CFAP299: variants seen among roughly 807,000 people sequenced by gnomAD.
The protein encoded by CFAP299 is cilia and flagella associated protein 299, also known as cilia- and flagella-associated protein 299.
CFAP299 carries 21 observed loss-of-function variants against 27.0 expected under a neutral mutation model. The observed-to-expected ratio is 0.78, with a 90% CI of 0.55 to 1.12. The LOEUF (loss-of-function observed/expected upper bound fraction) is 1.12, where lower values mean the gene tolerates loss of function less well. Among genes scored for constraint, CFAP299 ranks in the 50% most tolerant of loss-of-function variants. The probability of loss-of-function intolerance (pLI) is 0.00; values close to 1 mark genes in which losing one functional copy is unlikely to be tolerated. For missense variants in CFAP299, 310 were observed against 276.6 expected, an observed-to-expected ratio of 1.12 and a Z score of -0.86; for synonymous variants, 104 against 98.1, an observed-to-expected ratio of 1.06 and a Z score of -0.36.
At chr4:80,692,488 C>A (rs1720786514) in intron 3 of CFAP299, among the ~76,000 whole-genome samples, 1 of 152,078 alleles carries the variant, frequency 6.6e-6, no homozygotes, top group Non-Finnish European at 1.5e-5. Context: ...AACTGGCTAG[C>A]CATATGTAGA....
At chr4:80,571,052 G>A (rs949031853) in intron 2 of CFAP299, among the ~76,000 whole-genome samples, 1 of 152,050 alleles carries the variant, frequency 6.6e-6, no homozygotes, top group African/African-American at 2.4e-5. Context: ...GATGTAAAGA[G>A]GTGAGGTGAT....
intron 3 of CFAP299, among the ~76,000 whole-genome samples, chr4:80,687,412 C>T (rs560759483): frequency 6.6e-6 from 1 of 152,014 alleles, no homozygotes; most frequent in Non-Finnish European, 1.5e-5. Flanking sequence ...AAACTGAGAC[C>T]TATGGAAGAT....
chr4:80,704,114 A>G (rs1053267938), intron 3 of CFAP299, among the ~76,000 whole-genome samples: 3 of 151,652 alleles, frequency 2.0e-5, no homozygotes, highest in South Asian at 2.1e-4. Context: ...GATAGAAAAA[A>G]CCTGGAGGAG....
intron 3 of CFAP299, among the ~76,000 whole-genome samples, chr4:80,827,371 G>T (rs1730043712): frequency 1.3e-5 from 2 of 151,768 alleles, no homozygotes; most frequent in East Asian, 1.9e-4. Flanking sequence ...GACCAAGTGG[G>T]ATTTATTCTT....
At chr4:80,562,323 C>T (rs1735071404) in intron 2 of CFAP299, among the ~76,000 whole-genome samples, 1 of 151,930 alleles carries the variant, frequency 6.6e-6, no homozygotes, top group African/African-American at 2.4e-5. Context: ...TGAGGCTGGG[C>T]ACCATGGCTC....
chr4:80,742,646 T>A (rs1057165171), intron 3 of CFAP299, among the ~76,000 whole-genome samples: 4 of 152,186 alleles, frequency 2.6e-5, no homozygotes, highest in Non-Finnish European at 4.4e-5. Flanking sequence ...TTTGCTAGGT[T>A]ATAAGTGGAG....
At chr4:80,654,835 G>A (rs376850402) in intron 3 of CFAP299, among the ~76,000 whole-genome samples, 47 of 145,130 alleles carry the variant, frequency 3.2e-4, no homozygotes, top group African/African-American at 1.1e-3. Context: ...CTATGGCTCA[G>A]GCACTAATAG....
At chr4:80,522,938 C>G (rs922346506) in intron 2 of CFAP299, among the ~76,000 whole-genome samples, 4 of 151,978 alleles carry the variant, frequency 2.6e-5, no homozygotes, top group African/African-American at 7.2e-5. Context: ...TATGATACCT[C>G]TAGATTTGTT....
intron 2 of CFAP299, among the ~76,000 whole-genome samples, chr4:80,452,403 C>A (rs1316849274): frequency 6.6e-6 from 1 of 152,048 alleles, no homozygotes; most frequent in East Asian, 1.9e-4. Flanking sequence ...ACTGCCATTT[C>A]TGAGCAAGAG....
At chr4:80,872,689 A>G (rs1206936549) in intron 4 of CFAP299, 5 of 156,226 alleles carry the variant, frequency 3.2e-5, no homozygotes, top group African/African-American at 1.2e-4. Flanking sequence ...TGATCTCTCA[A>G]TGTGGTTTTC....
At chr4:80,868,897 T>G (rs1046713689) in intron 3 of CFAP299, among the ~76,000 whole-genome samples, 1 of 141,226 alleles carries the variant, frequency 7.1e-6, no homozygotes, top group African/African-American at 2.8e-5. Context: ...GGGTGGGGGC[T>G]TCTCTCTCTG....
intron 3 of CFAP299, among the ~76,000 whole-genome samples, chr4:80,801,223 A>G (rs1283006104): frequency 2.0e-5 from 3 of 150,870 alleles, no homozygotes; most frequent in African/African-American, 7.3e-5. Context: ...ATAGATTTTT[A>G]TATATTTAAC....
At chr4:80,938,237 C>T (rs1337387265) in intron 4 of CFAP299, among the ~76,000 whole-genome samples, 2 of 152,162 alleles carry the variant, frequency 1.3e-5, no homozygotes, top group East Asian at 1.9e-4. Flanking sequence ...GGCCCCAAAA[C>T]GGGCCGTAAA....
chr4:80,486,431 G>A (rs1309048233), intron 2 of CFAP299, among the ~76,000 whole-genome samples: 1 of 152,168 alleles, frequency 6.6e-6, no homozygotes, highest in Non-Finnish European at 1.5e-5. Flanking sequence ...GTTCAGGTTT[G>A]GCTGCTAAAG....
intron 2 of CFAP299, among the ~76,000 whole-genome samples, chr4:80,453,627 G>A (rs1728999694): frequency 6.6e-6 from 1 of 151,848 alleles, no homozygotes; most frequent in African/African-American, 2.4e-5. Flanking sequence ...GATCATTTGA[G>A]GTCAGGAGTT....
At chr4:80,695,450 T>A (rs1721027485) in intron 3 of CFAP299, among the ~76,000 whole-genome samples, 1 of 152,188 alleles carries the variant, frequency 6.6e-6, no homozygotes, top group Non-Finnish European at 1.5e-5. Flanking sequence ...ACTACCCAGA[T>A]GGGACAAAGC....
chr4:80,872,933 T>C, intron 4 of CFAP299: 8 of 964,526 alleles, frequency 8.3e-6, no homozygotes, highest in Non-Finnish European at 8.6e-6. Context: ...TTTTTTTTTT[T>C]CATTGATTTT....
At chr4:80,363,593 C>T (rs1460311268) in intron 2 of CFAP299, among the ~76,000 whole-genome samples, 1 of 152,136 alleles carries the variant, frequency 6.6e-6, no homozygotes, top group Non-Finnish European at 1.5e-5. Context: ...TGAGCATAAA[C>T]TTCCCATGTA....
intron 3 of CFAP299, among the ~76,000 whole-genome samples, chr4:80,796,655 G>C (rs1727879940): frequency 6.6e-6 from 1 of 152,128 alleles, no homozygotes; most frequent in Non-Finnish European, 1.5e-5. Flanking sequence ...GTAATCCACT[G>C]TCATTCCCAA....
Sources: gnomAD v4.1 joint callset for allele counts (sites outside exome capture counted in the v4.1 genomes callset) on GRCh38, gnomAD v4.1.1 for gene constraint, MANE v1.5 for transcripts, NCBI Gene and HGNC (gene_info 2026-07-23, HGNC 2026-07-21) for gene names.